DPYSL3: variants seen among roughly 807,000 people sequenced by gnomAD.
DPYSL3 encodes the protein dihydropyrimidinase like 3, also known as dihydropyrimidinase-related protein 3.
Under a neutral mutation model 66.1 loss-of-function variants are expected in DPYSL3, and 16 were observed. That is an observed-to-expected ratio of 0.24 (90% confidence interval 0.16 to 0.37). The LOEUF is 0.37. Among genes scored for constraint, DPYSL3 ranks in the 10% least tolerant of loss-of-function variants. DPYSL3 has a pLI of 1.00. For synonymous variants in DPYSL3, 338 were observed against 345.1 expected (o/e 0.98, Z 0.23); for missense variants, 738 against 916.2 (o/e 0.81, Z 2.51).
chr5:147,401,956 A>T (rs1280581549), intron 8 of DPYSL3: 1 of 351,740 alleles, frequency 2.8e-6, no homozygotes, highest in African/African-American at 2.5e-5. Context: ...GCAAATTAAA[A>T]TTTGAGGCAA....
chr5:147,404,439 T>C (rs932803166), intron 8 of DPYSL3, among the ~76,000 whole-genome samples: 5 of 152,172 alleles, frequency 3.3e-5, no homozygotes, highest in Non-Finnish European at 5.9e-5. Flanking sequence ...CTGCAATCAC[T>C]CACACGTGGA....
chr5:147,483,576 T>A (rs1435532172), intron 1 of DPYSL3, among the ~76,000 whole-genome samples: 1 of 152,228 alleles, frequency 6.6e-6, no homozygotes, highest in Non-Finnish European at 1.5e-5. Flanking sequence ...TTCTCATTTA[T>A]TTATTCAAAA....
chr5:147,462,375 A>G (rs1561796874), intron 1 of DPYSL3, among the ~76,000 whole-genome samples: 1 of 152,176 alleles, frequency 6.6e-6, no homozygotes, highest in Non-Finnish European at 1.5e-5. Context: ...TCCCAGTAGT[A>G]TACTTTATTG....
chr5:147,438,162 G>A (rs1752448585), intron 1 of DPYSL3, among the ~76,000 whole-genome samples: 1 of 152,140 alleles, frequency 6.6e-6, no homozygotes, highest in Non-Finnish European at 1.5e-5. Context: ...TTGGTTACAG[G>A]CTTCCATCTG....
chr5:147,483,759 G>C (rs181605463), intron 1 of DPYSL3, among the ~76,000 whole-genome samples: 3 of 152,256 alleles, frequency 2.0e-5, no homozygotes, highest in East Asian at 3.9e-4. Flanking sequence ...CCGGAGAAAG[G>C]TCTCAGAAAA....
At chr5:147,416,358 G>A (rs1313794299) in intron 3 of DPYSL3, among the ~76,000 whole-genome samples, 1 of 152,072 alleles carries the variant, frequency 6.6e-6, no homozygotes, top group East Asian at 1.9e-4. Context: ...GCTAAGTTAG[G>A]GCATAAGACA....
At chr5:147,436,200 G>A (rs935861644) in intron 1 of DPYSL3, among the ~76,000 whole-genome samples, 16 of 152,212 alleles carry the variant, frequency 1.1e-4, no homozygotes, top group African/African-American at 3.6e-4. Flanking sequence ...CAAAGGTGGA[G>A]AGGATATCTG....
intron 1 of DPYSL3, among the ~76,000 whole-genome samples, chr5:147,487,610 C>T (rs1295808495): frequency 6.6e-6 from 1 of 152,210 alleles, no homozygotes; most frequent in Non-Finnish European, 1.5e-5. Context: ...TAAAGTTTTA[C>T]TGGCATATAG....
chr5:147,441,328 A>G (rs1308852649), intron 1 of DPYSL3, among the ~76,000 whole-genome samples: 1 of 151,538 alleles, frequency 6.6e-6, no homozygotes, highest in Non-Finnish European at 1.5e-5. Flanking sequence ...TCCTTGGTAT[A>G]TAGATCAAAC....
intron 2 of DPYSL3, among the ~76,000 whole-genome samples, chr5:147,421,015 G>A (rs1189701391): frequency 6.6e-6 from 1 of 152,112 alleles, no homozygotes; most frequent in East Asian, 1.9e-4. Flanking sequence ...TTCTGGCCAG[G>A]GAAATCAGAC....
At chr5:147,476,458 C>A (rs1753157250) in intron 1 of DPYSL3, among the ~76,000 whole-genome samples, 1 of 151,994 alleles carries the variant, frequency 6.6e-6, no homozygotes, top group Non-Finnish European at 1.5e-5. Flanking sequence ...GAAATGAAGA[C>A]AAAAATAAGC....
At chr5:147,415,609 G>T in intron 4 of DPYSL3, 100 bp downstream of exon 4, 2 of 1,448,220 alleles carry the variant, frequency 1.4e-6, no homozygotes, top group Non-Finnish European at 9.4e-7. Flanking sequence ...CAAGGTTCCA[G>T]GCTCCAAGTA....
At chr5:147,446,247 A>G (rs1024248492) in intron 1 of DPYSL3, among the ~76,000 whole-genome samples, 2 of 152,206 alleles carry the variant, frequency 1.3e-5, no homozygotes, top group African/African-American at 4.8e-5. Flanking sequence ...AGGGATAATA[A>G]GGGTTTGCCC....
intron 1 of DPYSL3, among the ~76,000 whole-genome samples, chr5:147,430,096 GAACA>G (rs1236986582): frequency 3.2e-4 from 48 of 151,828 alleles, no homozygotes; most frequent in Admixed American, 3.2e-3. Flanking sequence ...AAAGAGAGAG[GAACA>G]AAGAAATGAA....
rs1753736743 is a variant in DPYSL3 at position 147,509,945 on chromosome 5, CTG to C, written c.-89_-88del. The C allele has an allele frequency of 3.5e-6, 5 of 1,439,290 alleles. No individual in the cohort carries two copies. The East Asian group carries it at 1.0e-4, about 29-fold the overall frequency. 89.2% of individuals were successfully genotyped at this position (1,439,290 alleles called of 1,614,324 possible). ...GGCAGCGTGCGCCGAGCCACAGTGA[CTG>C]TGGCGGGAGGAGGCGCCTGAGCCTT... On this transcript the variant is annotated 5_prime_UTR_variant, in exon 1 of 14. Coordinates refer to ENST00000343218, the MANE Select transcript of DPYSL3 (RefSeq NM_001197294.2). This position sits in a 1 kb window ranked among gnomAD's most constrained non-coding sequence, Gnocchi z 5.3.
At chr5:147,465,680 G>A (rs527956911) in intron 1 of DPYSL3, among the ~76,000 whole-genome samples, 9 of 152,206 alleles carry the variant, frequency 5.9e-5, no homozygotes, top group South Asian at 2.1e-4. Context: ...CTAAAGCCCC[G>A]CCGACCCAGG....
intron 1 of DPYSL3, among the ~76,000 whole-genome samples, chr5:147,457,807 G>A (rs1752875239): frequency 1.3e-5 from 2 of 152,204 alleles, no homozygotes; most frequent in African/African-American, 4.8e-5. Flanking sequence ...TATTGTTTGA[G>A]TGGAGGGCTT....
At chr5:147,415,664 A>G (rs1305816610) in intron 4 of DPYSL3, 45 bp downstream of exon 4, 1 of 1,595,430 alleles carries the variant, frequency 6.3e-7, no homozygotes, top group Non-Finnish European at 8.5e-7. Flanking sequence ...AAGGACTGGC[A>G]AGAAGAAGCT....
intron 7 of DPYSL3, among the ~76,000 whole-genome samples, chr5:147,407,726 A>G (rs1751736813): frequency 6.6e-6 from 1 of 152,138 alleles, no homozygotes; most frequent in African/African-American, 2.4e-5. Flanking sequence ...TATTAAGGAG[A>G]CAGACTTCAG....
Sources: gnomAD v4.1 joint callset for allele counts (sites outside exome capture counted in the v4.1 genomes callset) on GRCh38, gnomAD v4.1.1 for gene constraint, Gnocchi (gnomAD v3.1) non-coding constraint, MANE v1.5 for transcripts, NCBI Gene and HGNC (gene_info 2026-07-23, HGNC 2026-07-21) for gene names.